The following RFT1 variants were observed in gnomAD, a reference collection of about 807,000 sequenced individuals.
RFT1 encodes the protein RFT1 glycolipid translocator homolog, also known as man(5)GlcNAc(2)-PP-dolichol translocation protein RFT1.
In RFT1, 43 loss-of-function variants were observed where a neutral mutation model predicts 62.2. That is an observed-to-expected ratio of 0.69 (90% CI 0.54 to 0.89). The LOEUF is 0.89. Ranked by LOEUF, RFT1 falls within the 40% of genes least tolerant of loss-of-function variation. The pLI, the probability that RFT1 is intolerant of heterozygous loss-of-function variation, is 0.00. For missense variants in RFT1, 605 were observed against 649.9 expected (o/e 0.93, Z 0.75); for synonymous variants, 262 against 264.6 (o/e 0.99, Z 0.10).
downstream of RFT1, chr3:53,085,602 A>G (rs1700838171): frequency 6.6e-6 from 1 of 152,358 alleles, no homozygotes; most frequent in Non-Finnish European, 1.5e-5. Flanking sequence ...TCAACATGGG[A>G]CATGATATAC....
At chr3:53,070,727 C>T in the RFT1 span, among the ~76,000 whole-genome samples, 3 of 151,308 alleles carry the variant, frequency 2.0e-5, no homozygotes, top group African/African-American at 7.3e-5. Context: ...TATAATAAGC[C>T]ACTAAATAAT....
chr3:53,070,397 T>G, the RFT1 span, among the ~76,000 whole-genome samples: 19 of 132,452 alleles, frequency 1.4e-4, 2 homozygotes, highest in Admixed American at 9.0e-4. Context: ...ATTATGGTTT[T>G]TTTTTTTTTT....
At chr3:53,109,654 T>A (rs1701591573) in intron 7 of RFT1, among the ~76,000 whole-genome samples, 2 of 151,780 alleles carry the variant, frequency 1.3e-5, no homozygotes, top group Admixed American at 1.3e-4. Flanking sequence ...TACAAAAAAA[T>A]TAAAATATTG....
chr3:53,121,620 C>A (rs1701969870), intron 5 of RFT1, 79 bp downstream of exon 5: 1 of 1,155,774 alleles, frequency 8.7e-7, no homozygotes, highest in South Asian at 1.3e-5. Flanking sequence ...GAATGCAGAC[C>A]ACACGGCGGT....
intron 6 of RFT1, among the ~76,000 whole-genome samples, chr3:53,119,311 T>C (rs1280060759): frequency 6.6e-6 from 1 of 152,040 alleles, no homozygotes; most frequent in African/African-American, 2.4e-5. Context: ...CACAGCAGAA[T>C]AGAGAGAGTG....
the RFT1 span, among the ~76,000 whole-genome samples, chr3:53,070,393 G>GTTTTTT: frequency 0.014 from 1,229 of 85,390 alleles, 190 homozygotes; most frequent in Non-Finnish European, 0.018. Context: ...CTGTATTATG[G>GTTTTTT]TTTTTTTTTT....
intron 1 of RFT1, among the ~76,000 whole-genome samples, 153 bp from the exon 2 acceptor site, chr3:53,126,147 C>A (rs1054045709): frequency 6.6e-6 from 1 of 152,222 alleles, no homozygotes; most frequent in African/African-American, 2.4e-5. Flanking sequence ...CCCAACCTGT[C>A]TGCATTTCTC....
At chr3:53,067,128 G>A in the RFT1 span, among the ~76,000 whole-genome samples, 1 of 152,192 alleles carries the variant, frequency 6.6e-6, no homozygotes, top group Non-Finnish European at 1.5e-5. Flanking sequence ...AGGAGTTAGA[G>A]ACCAGCCTGG....
At chr3:53,112,601 GGCGTGGT>G (rs1412113845) in intron 6 of RFT1, among the ~76,000 whole-genome samples, 1 of 152,086 alleles carries the variant, frequency 6.6e-6, no homozygotes, top group Non-Finnish European at 1.5e-5. Flanking sequence ...AAATTAGCTG[GGCGTGGT>G]GCTACGTGTC....
chr3:53,081,918 T>C, the RFT1 span, among the ~76,000 whole-genome samples: 1 of 152,028 alleles, frequency 6.6e-6, no homozygotes, highest in African/African-American at 2.4e-5. Flanking sequence ...AAACAAATCC[T>C]GTGGGTTCCA....
At position 53,091,605 on chromosome 3, in the gene RFT1, T is replaced by C. The variant is rs1006980749; in HGVS notation, c.*298A>G. ...AGCATGTAGCTCCAAAGGCCAATCA[T>C]ACGCAAAAGGAATGAGTATATTAGT... On this transcript the variant is annotated 3_prime_UTR_variant, in exon 13 of 13. Coordinates refer to ENST00000296292, the MANE Select transcript of RFT1 (RefSeq NM_052859.4). The C allele has an allele frequency of 5.1e-6, 2 of 391,606 alleles. No homozygotes were observed. The highest frequency in any genetic ancestry group is 9.6e-6 in the Non-Finnish European group (2 of 208,070). 24.3% of individuals were successfully genotyped at this position (391,606 alleles called of 1,614,324 possible). A position where few individuals can be genotyped will look rare whatever the true frequency, so the allele number is the denominator to read the frequency against.
At chr3:53,079,950 G>C in the RFT1 span, among the ~76,000 whole-genome samples, 1 of 152,352 alleles carries the variant, frequency 6.6e-6, no homozygotes, top group Admixed American at 6.5e-5. Flanking sequence ...GGGTGCAGGG[G>C]TGTCCTCGTG....
the RFT1 span, among the ~76,000 whole-genome samples, chr3:53,079,191 G>C: frequency 6.6e-6 from 1 of 152,222 alleles, no homozygotes; most frequent in Non-Finnish European, 1.5e-5. Flanking sequence ...GCCTTTAGCA[G>C]TGGGCTGTCG....
At chr3:53,125,649 G>C (rs1283866580) in intron 2 of RFT1, among the ~76,000 whole-genome samples, 1 of 152,254 alleles carries the variant, frequency 6.6e-6, no homozygotes, top group Non-Finnish European at 1.5e-5. Context: ...ACTTCCAAGA[G>C]CAGGAAAACC....
intron 6 of RFT1, among the ~76,000 whole-genome samples, chr3:53,117,174 T>C (rs1342659133): frequency 6.6e-6 from 1 of 152,244 alleles, no homozygotes; most frequent in Non-Finnish European, 1.5e-5. Context: ...ATCTCATACA[T>C]TACTAAGAGA....
chr3:53,091,978 G>C lies in RFT1; in HGVS notation c.1551C>G (p.Phe517Leu), dbSNP rs1390140244. Residue 517 changes from phenylalanine (F) to leucine (L), a missense_variant, in exon 13 of 13, where the codon TTC (phenylalanine) becomes TTG (leucine). Phe to Leu is a conservative substitution (Grantham distance 22). Coordinates refer to ENST00000296292, the MANE Select transcript of RFT1 (RefSeq NM_052859.4). ...FCLGATLGTA[F>L]LTETKLIHFL... Reference sequence around the variant, plus strand: ...AATGGATCAGCTTGGTCTCTGTGAGGAATGCTGTCCCGAGAGTTGCTCCCA... The same window carrying C: ...AATGGATCAGCTTGGTCTCTGTGAGCAATGCTGTCCCGAGAGTTGCTCCCA... 6.2e-7 allele frequency: 1 copy of C among 1,614,246 alleles called. No individual in the cohort carries two copies.
At chr3:53,104,841 G>C (rs1484170438) in intron 9 of RFT1, among the ~76,000 whole-genome samples, 2 of 152,220 alleles carry the variant, frequency 1.3e-5, no homozygotes, top group African/African-American at 4.8e-5. Flanking sequence ...CTCTTCTTCT[G>C]TATTTACCAA....
intron 1 of RFT1, among the ~76,000 whole-genome samples, chr3:53,128,518 C>G (rs1702174157): frequency 6.6e-6 from 1 of 152,082 alleles, no homozygotes; most frequent in Non-Finnish European, 1.5e-5. Flanking sequence ...AAGAACTTTA[C>G]AGCTTTTGTT....
At chr3:53,082,096 A>G in the RFT1 span, among the ~76,000 whole-genome samples, 1 of 151,928 alleles carries the variant, frequency 6.6e-6, no homozygotes, top group Admixed American at 6.5e-5. Context: ...GGCGAGAGCC[A>G]CCACGCCCAG....
Sources: gnomAD v4.1 joint callset for allele counts (sites outside exome capture counted in the v4.1 genomes callset) on GRCh38, gnomAD v4.1.1 for gene constraint, MANE v1.5 for transcripts, NCBI Gene and HGNC (gene_info 2026-07-23, HGNC 2026-07-21) for gene names.